KMT2A: variants seen among roughly 807,000 people sequenced by gnomAD.
The protein encoded by KMT2A is histone-lysine N-methyltransferase 2A.
Under a neutral mutation model 345.3 loss-of-function variants are expected in KMT2A, and 16 were observed. The observed-to-expected ratio is 0.05, with a 90% CI of 0.03 to 0.07. The LOEUF is 0.07. Among genes scored for constraint, KMT2A ranks in the 10% least tolerant of loss-of-function variants. The pLI is 1.00. For missense variants in KMT2A, 3,272 were observed against 4,841.6 expected, an observed-to-expected ratio of 0.68 and a Z score of 9.62; for synonymous variants, 1,599 against 1,778.6, an observed-to-expected ratio of 0.90 and a Z score of 2.54.
At chr11:118,511,006 G>A (rs1225025257) in intron 30 of KMT2A, among the ~76,000 whole-genome samples, 3 of 152,126 alleles carry the variant, frequency 2.0e-5, no homozygotes, top group Admixed American at 2.0e-4. Flanking sequence ...ATCCATGTGA[G>A]GTAATAGTGA....
At chr11:118,486,860 C>T (rs1398673622) in intron 10 of KMT2A, among the ~76,000 whole-genome samples, 3 of 151,976 alleles carry the variant, frequency 2.0e-5, no homozygotes, top group African/African-American at 7.3e-5. Context: ...TGCACTCCAG[C>T]CTGGGCAACT....
Position 118,521,639 on chromosome 11 carries a change from G to A in KMT2A, c.11643+222G>A, listed in dbSNP as rs531798430. On this transcript the variant is annotated intron_variant, in intron 35 of 35. Coordinates refer to ENST00000534358, the MANE Select transcript of KMT2A (RefSeq NM_001197104.2). This position sits in a 1 kb window ranked among gnomAD's most constrained non-coding sequence, Gnocchi z 5.3. ...AGAAGGTTTGTCTGAGTGGCTCCTAGTATCAGAAGCAAATAGCTATACAAG... is the reference window on the plus strand; with the variant it reads ...AGAAGGTTTGTCTGAGTGGCTCCTAATATCAGAAGCAAATAGCTATACAAG... Among the ~76,000 whole-genome samples the A allele has an allele frequency of 6.6e-6, 1 of 152,334 alleles. No individual in the cohort carries two copies. The highest frequency in any genetic ancestry group is 2.1e-4 in the South Asian group (1 of 4,818).
At chr11:118,492,189 T>C (rs1458759070) in intron 15 of KMT2A, among the ~76,000 whole-genome samples, 2 of 152,166 alleles carry the variant, frequency 1.3e-5, no homozygotes, top group African/African-American at 4.8e-5. Flanking sequence ...AGTGAAGCAC[T>C]TCACCCAAGA....
At position 118,490,752 on chromosome 11, in the gene KMT2A, A is replaced by G. The variant is rs1950311803; in HGVS notation, c.4697-444A>G. 6.6e-6 allele frequency among the ~76,000 whole-genome samples: 1 copy of G among 152,174 alleles called. No individual in the cohort carries two copies. Among genetic ancestry groups the G allele is most frequent in the African/African-American group, 2.4e-5 (1 of 41,452 alleles). On this transcript the variant is annotated intron_variant, in intron 13 of 35. Transcript: ENST00000534358. The surrounding 1 kb of genome is among the most constrained non-coding windows in gnomAD (Gnocchi z 4.2). ...TATAAAGAAAATTTATGAAGGTTAT[A>G]CAGAGTACTGAATCTTAGGAAGTGC...
In KMT2A at chr11:118,490,051, T is replaced by A; in HGVS notation, c.4576-78T>A. On this transcript the variant is annotated intron_variant, in intron 12 of 35. Coordinates refer to ENST00000534358, the MANE Select transcript of KMT2A (RefSeq NM_001197104.2). This position sits in a 1 kb window ranked among gnomAD's most constrained non-coding sequence, Gnocchi z 4.2. ...CAGAGAAATTAAATCTATAAATGGA[T>A]GCATTTAAGATCTTTTTAGTTAAGT... 1 of 1,483,196 alleles carries A rather than the reference T, an allele frequency of 6.7e-7. No homozygotes were observed. Among genetic ancestry groups the A allele is most frequent in the African/African-American group, 1.4e-5 (1 of 70,528 alleles). The allele number at this position is 1,483,196 out of a possible 1,614,324, so 91.9% of individuals were successfully genotyped here.
In KMT2A at chr11:118,501,735, C is replaced by A. The variant is rs1464766436; in HGVS notation, c.6383C>A (p.Pro2128His). The A allele has an allele frequency of 6.2e-7, 1 of 1,614,032 alleles. No homozygotes were observed. Residue 2128 changes from proline (P) to histidine (H), a missense_variant, in exon 26 of 36, where the codon CCT becomes CAT. Transcript: ENST00000534358. ...ATAAGTCCTCCATCACCAGACCGAC[C>A]TCCTCATTCACAAACCTCTGGCTCC... ...EIISPPSPDRPPHSQTSGSCY... is the reference protein window; with the variant it reads ...EIISPPSPDRHPHSQTSGSCY...
At chr11:118,509,020 T>C in intron 28 of KMT2A, 116 bp from the exon 29 acceptor site, 1 of 769,264 alleles carries the variant, frequency 1.3e-6, no homozygotes, top group Non-Finnish European at 2.2e-6. Context: ...GAAAGCCCCC[T>C]GTGGCTCATT....
chr11:118,482,310 A>G, intron 7 of KMT2A, 112 bp from the exon 8 acceptor site: 2 of 917,240 alleles, frequency 2.2e-6, no homozygotes, highest in South Asian at 1.9e-5. Context: ...TTCGAAGCCT[A>G]GAGTTTAAAT....
intron 31 of KMT2A, among the ~76,000 whole-genome samples, chr11:118,512,672 T>C (rs529789387): frequency 1.3e-5 from 2 of 152,346 alleles, no homozygotes; most frequent in Admixed American, 6.5e-5. Flanking sequence ...GGCTGGGTCA[T>C]ATGGTAACTC....
intron 1 of KMT2A, among the ~76,000 whole-genome samples, chr11:118,437,784 C>T (rs111903103): frequency 0.025 from 3,750 of 151,924 alleles, 73 homozygotes; most frequent in Non-Finnish European, 0.036. Flanking sequence ...GGATTAGTGG[C>T]ATCTTGGAGG....
chr11:118,503,906 G>A lies in KMT2A; in HGVS notation c.8014G>A (p.Asp2672Asn), dbSNP rs559106168. Residue 2672 changes from aspartate to asparagine, a missense_variant, in exon 27 of 36, where the codon GAT becomes AAT. Transcript: ENST00000534358. The surrounding 1 kb of genome is among the most constrained non-coding windows in gnomAD (Gnocchi z 5.3). ...AGCTGAAGGACAGGTGGATGGGGCC[G>A]ATGACTTAAGCACTTCAGATGAAGA... ...RSAEGQVDGA[D>N]DLSTSDEDDL... 6 of 1,614,180 alleles carry A rather than the reference G, an allele frequency of 3.7e-6. No homozygotes were observed. Among genetic ancestry groups the A allele is most frequent in the Non-Finnish European group, 5.1e-6 (6 of 1,180,012 alleles).
chr11:118,479,905 G>T (rs1325106686), intron 5 of KMT2A, among the ~76,000 whole-genome samples: 3 of 152,146 alleles, frequency 2.0e-5, no homozygotes, highest in African/African-American at 7.2e-5. Context: ...TCTGTGTGGT[G>T]CTAGTCAGTG....
At chr11:118,513,769 T>TA (rs1178359383) in intron 31 of KMT2A, among the ~76,000 whole-genome samples, 85 of 150,042 alleles carry the variant, frequency 5.7e-4, no homozygotes, top group African/African-American at 1.9e-3. Context: ...CATCTCTATA[T>TA]AAAAAAAAAT....
In KMT2A at chr11:118,509,343, G is replaced by A. The variant is rs1950643281; in HGVS notation, c.10900+143G>A. The A allele has an allele frequency of 2.5e-5, 16 of 634,030 alleles. No individual in the cohort carries two copies. The South Asian group carries it at 3.4e-4, about 14-fold the overall frequency. 39.3% of individuals were successfully genotyped at this position (634,030 alleles called of 1,614,324 possible). A position where few individuals can be genotyped will look rare whatever the true frequency, so the allele number is the denominator to read the frequency against. On this transcript the variant is annotated intron_variant, in intron 29 of 35. Transcript: ENST00000534358. ...AAGTTAAGTGATTTGGCCCACATTG[G>A]ACTGAAACTTGGCGCACCTGTCTCT...
At chr11:118,511,750 C>T (rs1004247530) in intron 30 of KMT2A, among the ~76,000 whole-genome samples, 1 of 152,064 alleles carries the variant, frequency 6.6e-6, no homozygotes, top group Non-Finnish European at 1.5e-5. Flanking sequence ...AGAAAGAAGC[C>T]CTGCTGGGGA....
intron 1 of KMT2A, among the ~76,000 whole-genome samples, chr11:118,438,632 A>T (rs972526873): frequency 5.3e-5 from 8 of 152,080 alleles, no homozygotes; most frequent in African/African-American, 1.7e-4. Flanking sequence ...CTTGTCCCCT[A>T]TTGTGCCCCG....
intron 1 of KMT2A, among the ~76,000 whole-genome samples, chr11:118,452,719 C>T (rs1251547911): frequency 6.6e-6 from 1 of 151,640 alleles, no homozygotes; most frequent in African/African-American, 2.4e-5. Context: ...CAGCAACCTC[C>T]GCCTCCTGGG....
At chr11:118,515,003 G>A (rs1198396847) in intron 31 of KMT2A, among the ~76,000 whole-genome samples, 1 of 152,176 alleles carries the variant, frequency 6.6e-6, no homozygotes, top group Non-Finnish European at 1.5e-5. Context: ...TCCTGAGCTT[G>A]TGATCTGCCC....
rs961531900 is a variant in KMT2A at position 118,498,581 on chromosome 11, G to C, written c.5961+53G>C. On this transcript the variant is annotated intron_variant, in intron 22 of 35. Transcript: ENST00000534358. This position sits in a 1 kb window ranked among gnomAD's most constrained non-coding sequence, Gnocchi z 4.4. ...AAAAAAAAAAGACTTTTTTAGAGCA[G>C]TTTTAGGTTCACAGCAAAATTGACT... 23 of 1,528,832 alleles carry C rather than the reference G, an allele frequency of 1.5e-5. No homozygotes were observed. Among genetic ancestry groups the C allele is most frequent in the South Asian group, 3.8e-5 (3 of 78,554 alleles). 94.7% of individuals were successfully genotyped at this position (1,528,832 alleles called of 1,614,324 possible).
Sources: gnomAD v4.1 joint callset for allele counts (sites outside exome capture counted in the v4.1 genomes callset) on GRCh38, gnomAD v4.1.1 for gene constraint, Gnocchi (gnomAD v3.1) non-coding constraint, MANE v1.5 for transcripts, NCBI Gene and HGNC (gene_info 2026-07-23, HGNC 2026-07-21) for gene names.